Variants in DENND1A observed in about 807,000 individuals in gnomAD.
DENND1A encodes DENN domain-containing protein 1A.
In DENND1A, 51 loss-of-function variants were observed where a neutral mutation model predicts 113.7. The observed-to-expected ratio is 0.45, with a 90% CI of 0.36 to 0.57. The LOEUF is 0.57. Among genes scored for constraint, DENND1A ranks in the 20% least tolerant of loss-of-function variants. The pLI is 0.00. For synonymous variants in DENND1A, 565 were observed against 570.8 expected (o/e 0.99, Z 0.14); for missense variants, 1,258 against 1,395.9 (o/e 0.90, Z 1.57).
At chr9:123,790,557 C>T (rs976801528) in intron 3 of DENND1A, among the ~76,000 whole-genome samples, 1 of 152,176 alleles carries the variant, frequency 6.6e-6, no homozygotes, top group African/African-American at 2.4e-5. Flanking sequence ...TACTACTATA[C>T]TATGCGCACC....
chr9:123,452,033 C>CAAA (rs10653405), intron 17 of DENND1A, among the ~76,000 whole-genome samples: 1,918 of 134,732 alleles, frequency 0.014, 36 homozygotes, highest in South Asian at 0.031. Flanking sequence ...CCTGTCTCTC[C>CAAA]AAAAAAAAAA....
intron 19 of DENND1A, among the ~76,000 whole-genome samples, chr9:123,429,315 G>C (rs1271655122): frequency 6.6e-6 from 1 of 152,206 alleles, no homozygotes; most frequent in Non-Finnish European, 1.5e-5. Flanking sequence ...CAGCACTTTT[G>C]GAGGCCGGGG....
intron 19 of DENND1A, among the ~76,000 whole-genome samples, chr9:123,423,395 C>T (rs1341845795): frequency 6.6e-6 from 1 of 152,210 alleles, no homozygotes; most frequent in Non-Finnish European, 1.5e-5. Context: ...CATCAGCCTT[C>T]TGCTTGGCGG....
chr9:123,438,231 A>G (rs2046667609), intron 19 of DENND1A, among the ~76,000 whole-genome samples: 1 of 152,178 alleles, frequency 6.6e-6, no homozygotes, highest in African/African-American at 2.4e-5. Flanking sequence ...CTCAAGGACA[A>G]CCTACCATAA....
At chr9:123,748,643 T>A (rs746821336) in intron 5 of DENND1A, among the ~76,000 whole-genome samples, 16 of 152,088 alleles carry the variant, frequency 1.1e-4, no homozygotes, top group Admixed American at 2.0e-4. Context: ...ATTTTAGGAG[T>A]GAGGTGTATT....
At chr9:123,395,493 T>TGTGTGTGTGTGA (rs2043075187) in intron 21 of DENND1A, among the ~76,000 whole-genome samples, 3 of 146,094 alleles carry the variant, frequency 2.1e-5, no homozygotes, top group African/African-American at 7.4e-5. Context: ...TGTGTGTGTG[T>TGTGTGTGTGTGA]GACAGAGAGA....
At chr9:123,652,541 C>G (rs190954501) in intron 8 of DENND1A, among the ~76,000 whole-genome samples, 5 of 152,178 alleles carry the variant, frequency 3.3e-5, no homozygotes, top group Admixed American at 1.3e-4. Context: ...AGAACCTTCC[C>G]GATGTGCTGT....
intron 13 of DENND1A, 122 bp downstream of exon 13, chr9:123,557,448 A>G: frequency 6.9e-7 from 1 of 1,447,304 alleles, no homozygotes; most frequent in Non-Finnish European, 9.3e-7. Flanking sequence ...CACCACAAAC[A>G]CACACAAGCT....
chr9:123,720,876 T>C (rs184570999), intron 5 of DENND1A, among the ~76,000 whole-genome samples: 11 of 152,362 alleles, frequency 7.2e-5, no homozygotes, highest in Admixed American at 7.2e-4. Flanking sequence ...AACCAGTCTT[T>C]ACCTAAAAGA....
intron 12 of DENND1A, among the ~76,000 whole-genome samples, chr9:123,577,915 C>G (rs2136548644): frequency 6.6e-6 from 1 of 152,280 alleles, no homozygotes; most frequent in East Asian, 1.9e-4. Context: ...AAGTCATGCC[C>G]TACTGGTGTC....
intron 5 of DENND1A, among the ~76,000 whole-genome samples, chr9:123,677,814 T>C (rs1478430829): frequency 2.0e-5 from 3 of 152,218 alleles, no homozygotes; most frequent in African/African-American, 7.2e-5. Context: ...CACTCCAGGA[T>C]CCAGTCCACA....
At position 123,382,285 on chromosome 9, in the gene DENND1A, G is replaced by T. The variant is rs1195803163; in HGVS notation, c.2360C>A (p.Ala787Asp). 1 of 1,611,068 alleles carries T rather than the reference G, an allele frequency of 6.2e-7. No individual in the cohort carries two copies. The highest frequency in any genetic ancestry group is 1.7e-5 in the Admixed American group (1 of 59,904). ...GACGTCACCAAGTGCGGCGCCGGCAGCCTGGAGCTTGGCCGGGCGGGGAAT... is the reference window on the plus strand; with the variant it reads ...GACGTCACCAAGTGCGGCGCCGGCATCCTGGAGCTTGGCCGGGCGGGGAAT... ...PPIPRPAKLQ[A>D]AGAALGDVSE... Residue 787 changes from alanine (A) to aspartate (D), a missense_variant, in exon 24 of 24, where the codon GCT becomes GAT. Coordinates refer to ENST00000394215, the MANE Select transcript of DENND1A (RefSeq NM_001352964.2).
chr9:123,639,777 CAAAA>C (rs199515973), intron 9 of DENND1A, among the ~76,000 whole-genome samples: 63,778 of 115,690 alleles, frequency 0.55, 14,782 homozygotes, highest in African/African-American at 0.65. Context: ...AACTCCATCT[CAAAA>C]AAAAAAAAAA....
At chr9:123,616,575 A>G (rs2060660080) in intron 10 of DENND1A, among the ~76,000 whole-genome samples, 2 of 152,224 alleles carry the variant, frequency 1.3e-5, no homozygotes, top group African/African-American at 2.4e-5. Context: ...CTAAGGGGAA[A>G]AAAAAAGGAA....
intron 13 of DENND1A, among the ~76,000 whole-genome samples, chr9:123,538,692 C>T (rs915797177): frequency 2.0e-5 from 3 of 147,370 alleles, no homozygotes; most frequent in Non-Finnish European, 3.0e-5. Context: ...AAATGACAAT[C>T]GCAATGAACC....
chr9:123,588,619 T>C (rs1486863799), intron 11 of DENND1A, among the ~76,000 whole-genome samples: 1 of 54,802 alleles, frequency 1.8e-5, no homozygotes, highest in Non-Finnish European at 3.2e-5. Context: ...AAACTCCATC[T>C]CAAAAAAAAA....
At chr9:123,587,105 C>T (rs1025031472) in intron 11 of DENND1A, among the ~76,000 whole-genome samples, 13 of 151,628 alleles carry the variant, frequency 8.6e-5, no homozygotes, top group Admixed American at 6.6e-5. Flanking sequence ...CAACAATGCA[C>T]TGGATATACC....
chr9:123,592,593 G>A (rs2059508165), intron 11 of DENND1A, among the ~76,000 whole-genome samples: 1 of 152,198 alleles, frequency 6.6e-6, no homozygotes, highest in African/African-American at 2.4e-5. Flanking sequence ...ATATCTGGGT[G>A]GTGGTTACAT....
chr9:123,477,430 C>T (rs1042995829), intron 13 of DENND1A, among the ~76,000 whole-genome samples: 7 of 150,932 alleles, frequency 4.6e-5, no homozygotes, highest in Non-Finnish European at 1.0e-4. Context: ...TGATAGCATG[C>T]CCCTGTAGTT....
Sources: allele counts gnomAD v4.1 joint callset (sites outside exome capture counted in the v4.1 genomes callset), GRCh38; gene constraint gnomAD v4.1.1; transcripts MANE v1.5; gene names NCBI Gene and HGNC (gene_info 2026-07-23, HGNC 2026-07-21).